The following RIF1 variants were observed in gnomAD, a reference collection of about 807,000 sequenced individuals.
RIF1 encodes the protein replication timing regulatory factor 1.
A neutral mutation model predicts 247.1 loss-of-function variants in RIF1; 45 were observed. That is an observed-to-expected ratio of 0.18 (90% CI 0.14 to 0.23). The LOEUF is 0.23. Ranked by LOEUF, RIF1 falls within the 10% of genes least tolerant of loss-of-function variation. RIF1 has a pLI of 1.00. For missense variants in RIF1, 2,967 were observed against 2,862.5 expected (o/e 1.04, Z -0.83); for synonymous variants, 1,087 against 978.8 (o/e 1.11, Z -2.06).
chr2:151,518,885 G>A, the RIF1 span: 1 of 872,974 alleles, frequency 1.1e-6, no homozygotes, highest in Non-Finnish European at 1.9e-6. Flanking sequence ...TAGCAGAGAA[G>A]AAGATGCATC....
rs755662637 is a variant in RIF1 at position 151,465,766 on chromosome 2, T to A, written c.6246T>A (p.Ala2082=). 6.2e-7 allele frequency: 1 copy of A among 1,613,626 alleles called. No homozygotes were observed. Among genetic ancestry groups the A allele is most frequent in the Non-Finnish European group, 8.5e-7 (1 of 1,179,592 alleles). ...GCACTGAAGAAGGAATCATTGACGC[T>A]AATAAAACTGAAACAAATACTGAGT... ...EMSTEEGIID[A]NKTETNTEYS... is the part of the protein sequence containing the mutation. Residue 2082 remains alanine (A), a synonymous_variant, in exon 30 of 36, where the codon GCT becomes GCA. Coordinates refer to ENST00000444746, the MANE Select transcript of RIF1 (RefSeq NM_018151.5).
At chr2:151,504,411 T>A (rs1404102443) in intron 12 of RIF1, among the ~76,000 whole-genome samples, 1 of 152,218 alleles carries the variant, frequency 6.6e-6, no homozygotes, top group Non-Finnish European at 1.5e-5. Flanking sequence ...CAAGAAGTTG[T>A]AATGCAAAGT....
chr2:151,460,193 G>A (rs1695902330), intron 26 of RIF1, 74 bp downstream of exon 26: 1 of 1,180,076 alleles, frequency 8.5e-7, no homozygotes, highest in East Asian at 2.7e-5. Flanking sequence ...TTAAAAATTG[G>A]ATGAAAGAAC....
chr2:151,505,398 G>T, intron 12 of RIF1: 1 of 1,196,226 alleles, frequency 8.4e-7, no homozygotes, highest in Non-Finnish European at 1.2e-6. Flanking sequence ...TTGATAGGAA[G>T]CAGAAAGATG....
the RIF1 span, among the ~76,000 whole-genome samples, chr2:151,513,961 G>C: frequency 1.3e-5 from 2 of 152,162 alleles, no homozygotes; most frequent in Non-Finnish European, 2.9e-5. Context: ...GAAGATTAGA[G>C]TATAAAGTAA....
chr2:151,512,019 C>CTTTTTT (rs71403173), downstream of RIF1, among the ~76,000 whole-genome samples: 7 of 93,586 alleles, frequency 7.5e-5, 1 homozygote, highest in African/African-American at 3.0e-4. Context: ...CCCTCTCACT[C>CTTTTTT]TTTTTTTTTT....
chr2:151,507,935 T>G (rs1421554467), exon 14 of RIF1: 4 of 1,085,838 alleles, frequency 3.7e-6, no homozygotes, highest in Non-Finnish European at 5.5e-6. Flanking sequence ...AAGCCTGGGA[T>G]ATCCAGAGGC....
In RIF1 at chr2:151,475,188, A is replaced by G; in HGVS notation, c.*117A>G. Reference sequence around the variant, plus strand: ...AGAGACTCTTTGCAAAGTTGATAACATTTCAAACCCTGAAGGACAGTGACT... The same window carrying G: ...AGAGACTCTTTGCAAAGTTGATAACGTTTCAAACCCTGAAGGACAGTGACT... On this transcript the variant is annotated 3_prime_UTR_variant, in exon 36 of 36. Coordinates refer to ENST00000444746, the MANE Select transcript of RIF1 (RefSeq NM_018151.5). The G allele has an allele frequency of 4.1e-6, 3 of 723,048 alleles. No individual in the cohort carries two copies. Among genetic ancestry groups the G allele is most frequent in the Non-Finnish European group, 4.7e-6 (2 of 424,132 alleles). The allele number at this position is 723,048 out of a possible 1,614,324, so 44.8% of individuals were successfully genotyped here.
chr2:151,422,748 G>A lies in RIF1; in HGVS notation c.694-202G>A, dbSNP rs563749701. Among the ~76,000 whole-genome samples the A allele has an allele frequency of 3.3e-5, 5 of 151,790 alleles. No homozygotes were observed. The South Asian group carries it at 8.3e-4, about 25-fold the overall frequency. On this transcript the variant is annotated intron_variant, in intron 7 of 35. Transcript: ENST00000444746. ...CTCCTGACTTCAAGAGTGAGGCCGA[G>A]GCAGGTGATTCTCCTGCCTCAGCCT...
At chr2:151,415,296 G>A (rs987673877) in intron 4 of RIF1, among the ~76,000 whole-genome samples, 1 of 147,308 alleles carries the variant, frequency 6.8e-6, no homozygotes. Context: ...GCAGTGAGTC[G>A]AGATCGTGCC....
intron 3 of RIF1, among the ~76,000 whole-genome samples, chr2:151,412,321 TATG>T (rs10581466): frequency 0.26 from 39,186 of 151,798 alleles, 6,149 homozygotes; most frequent in Non-Finnish European, 0.36. Flanking sequence ...TTGTTTTTAT[TATG>T]ACCTTGTTCT....
At position 151,468,505 on chromosome 2, in the gene RIF1, C is replaced by A. The variant is rs1328506202; in HGVS notation, c.6779C>A (p.Ser2260Tyr). The change falls in exon 32 of 36, where the codon TCC (serine) becomes TAC (tyrosine). Residue 2260 changes from serine to tyrosine, a missense_variant. Ser to Tyr is a moderately radical substitution (Grantham distance 144). This residue lies in a region of RIF1 where 2,028 missense variants were observed against 1,825.6 expected (regional missense o/e 1.11). Coordinates refer to ENST00000444746, the MANE Select transcript of RIF1 (RefSeq NM_018151.5). ...ACCACTTCAGCCAAAGGATTTCTGT[C>A]CCCAGGATCACGTAGCCCTAAATTT... Reference protein sequence around the residue: ...HNTTSAKGFLSPGSRSPKFKS... With the variant: ...HNTTSAKGFLYPGSRSPKFKS... 2 of 1,613,368 alleles carry A rather than the reference C, an allele frequency of 1.2e-6. No individual in the cohort carries two copies. The highest frequency in any genetic ancestry group is 1.7e-5 in the Admixed American group (1 of 59,998).
intron 3 of RIF1, among the ~76,000 whole-genome samples, chr2:151,413,998 G>A (rs1043035999): frequency 2.0e-5 from 3 of 152,114 alleles, no homozygotes; most frequent in South Asian, 2.1e-4. Context: ...TTACATAAAT[G>A]GTATGAGTTG....
At chr2:151,429,582 T>A (rs977338315) in intron 9 of RIF1, among the ~76,000 whole-genome samples, 1 of 152,208 alleles carries the variant, frequency 6.6e-6, no homozygotes, top group Admixed American at 6.5e-5. Flanking sequence ...TAATCACTAT[T>A]TTAGAGAGAT....
chr2:151,465,029 GAAATTT>G lies in RIF1; in HGVS notation c.5510_5515del (p.Glu1837_Cys1839delinsGly), dbSNP rs202043885. 1.4e-3 allele frequency: 2,272 copies of G among 1,580,032 alleles called. 27 individuals are homozygous for G. The African/African-American group carries it at 0.028, about 20-fold the overall frequency. On this transcript the variant is annotated inframe_deletion, in exon 30 of 36. Coordinates refer to ENST00000444746, the MANE Select transcript of RIF1 (RefSeq NM_018151.5). ...TTCTGGAATAGTAAACTTTAGAGAG[GAAATTT>G]GTGATATGGATTCTAGTGAAGCAAT... is the stretch of plus-strand genomic sequence containing the variant.
Position 151,455,037 on chromosome 2 carries a change from T to G in RIF1, c.2487T>G (p.Thr829=), listed in dbSNP as rs150971887. 2 of 1,613,792 alleles carry G rather than the reference T, an allele frequency of 1.2e-6. No individual in the cohort carries two copies. Among genetic ancestry groups the G allele is most frequent in the Non-Finnish European group, 1.7e-6 (2 of 1,179,846 alleles). The part of the protein sequence containing the change: ...FKEAHSDTLF[T]IGNSITGIIS... ...AAGCACATTCTGATACCCTCTTCAC[T>G]ATTGGCAACTCAATCACCGGCATTA... Residue 829 remains threonine, a synonymous_variant, in exon 22 of 36, where the codon ACT becomes ACG. Coordinates refer to ENST00000444746, the MANE Select transcript of RIF1 (RefSeq NM_018151.5).
intron 6 of RIF1, 91 bp from the exon 7 acceptor site, chr2:151,420,099 A>G: frequency 1.9e-6 from 2 of 1,036,516 alleles, no homozygotes; most frequent in Non-Finnish European, 2.8e-6. Flanking sequence ...AATGGGCCGT[A>G]CTGTGTATAT....
chr2:151,470,625 G>T (rs1281144056), intron 34 of RIF1, among the ~76,000 whole-genome samples: 1 of 152,072 alleles, frequency 6.6e-6, no homozygotes, highest in Non-Finnish European at 1.5e-5. Flanking sequence ...TACTCAACCT[G>T]TATCAGAAGT....
the RIF1 span, chr2:151,526,881 G>T: frequency 1.4e-6 from 2 of 1,392,374 alleles, no homozygotes; most frequent in Non-Finnish European, 1.0e-6. Flanking sequence ...ATGGCCCTGA[G>T]TGAGGTTAGG....
Sources: allele counts gnomAD v4.1 joint callset (sites outside exome capture counted in the v4.1 genomes callset), GRCh38; gene constraint gnomAD v4.1.1; regional missense constraint gnomAD v4.1.1; transcripts MANE v1.5; gene names NCBI Gene and HGNC (gene_info 2026-07-23, HGNC 2026-07-21).